MBD5: variants seen among roughly 807,000 people sequenced by gnomAD.
MBD5 encodes methyl-CpG binding domain protein 5.
In MBD5, 13 loss-of-function variants were observed where a neutral mutation model predicts 117.3. That is an observed-to-expected ratio of 0.11 (90% CI 0.07 to 0.18). MBD5 has a LOEUF of 0.18. Among genes scored for constraint, MBD5 ranks in the 10% least tolerant of loss-of-function variants. The pLI is 1.00. For missense variants in MBD5, 1,879 were observed against 2,093.8 expected (o/e 0.90, Z 2.00); for synonymous variants, 727 against 766.4 (o/e 0.95, Z 0.85).
At chr2:148,197,603 C>G (rs899449735) in intron 2 of MBD5, among the ~76,000 whole-genome samples, 1 of 151,912 alleles carries the variant, frequency 6.6e-6, no homozygotes, top group Non-Finnish European at 1.5e-5. Context: ...CTTGGGAAAC[C>G]CTTCTCCATA....
At chr2:148,267,634 A>T (rs1435537514) in intron 3 of MBD5, among the ~76,000 whole-genome samples, 1 of 152,130 alleles carries the variant, frequency 6.6e-6, no homozygotes, top group Non-Finnish European at 1.5e-5. Context: ...GTTCATATGA[A>T]TGGATATTTT....
Position 148,516,818 on chromosome 2 carries a change from C to A in MBD5, c.*3877C>A, listed in dbSNP as rs1005743263. On this transcript the variant is annotated 3_prime_UTR_variant, in exon 14 of 14. Transcript: ENST00000642680. ...GTGTACCTCAGTGACCTTTTATAAA[C>A]CGGAAAAATGGTTGATTTAATAATT... is the stretch of plus-strand genomic sequence containing the variant. The A allele has an allele frequency of 6.6e-6, 1 of 152,100 alleles. No individual in the cohort carries two copies. The highest frequency in any genetic ancestry group is 1.5e-5 in the Non-Finnish European group (1 of 68,020). The allele number at this position is 152,100 out of a possible 1,614,324, so 9.4% of individuals were successfully genotyped here. A position where few individuals can be genotyped will look rare whatever the true frequency, so the allele number is the denominator to read the frequency against.
At chr2:148,302,443 A>G (rs1701794331) in intron 3 of MBD5, among the ~76,000 whole-genome samples, 1 of 152,200 alleles carries the variant, frequency 6.6e-6, no homozygotes, top group Non-Finnish European at 1.5e-5. Flanking sequence ...GGCTAGAGCA[A>G]TATTTTCTCC....
chr2:148,379,987 A>G (rs965914666), intron 4 of MBD5, among the ~76,000 whole-genome samples: 9 of 152,214 alleles, frequency 5.9e-5, no homozygotes, highest in Non-Finnish European at 1.3e-4. Context: ...AAGTCTAAGA[A>G]CATTAGCAAT....
At chr2:148,254,775 A>G (rs899273182) in intron 3 of MBD5, among the ~76,000 whole-genome samples, 2 of 152,138 alleles carry the variant, frequency 1.3e-5, no homozygotes, top group Non-Finnish European at 2.9e-5. Context: ...ATGGGTATCC[A>G]TCCCACACAG....
chr2:148,259,268 A>G (rs1700674773), intron 3 of MBD5, among the ~76,000 whole-genome samples: 1 of 152,208 alleles, frequency 6.6e-6, no homozygotes, highest in East Asian at 1.9e-4. Context: ...TCCCTCAGAG[A>G]CTGGAAGTGT....
In MBD5 at chr2:148,513,761, AT is replaced by A. The variant is rs1682282320; in HGVS notation, c.*821del. On this transcript the variant is annotated 3_prime_UTR_variant, in exon 14 of 14. Coordinates refer to ENST00000642680, the MANE Select transcript of MBD5 (RefSeq NM_001378120.1). The stretch of plus-strand genomic sequence containing the variant: ...AATAGAATAGGTTTTATAAAAAAAA[AT>A]CTTAGATGGAATATTTTACTCAGCC... The A allele has an allele frequency of 6.6e-6, 1 of 152,206 alleles. No individual in the cohort carries two copies. Among genetic ancestry groups the A allele is most frequent in the African/African-American group, 2.4e-5 (1 of 41,446 alleles). The allele number at this position is 152,206 out of a possible 1,614,324, so 9.4% of individuals were successfully genotyped here.
chr2:148,352,491 A>G (rs1349604775), intron 4 of MBD5, among the ~76,000 whole-genome samples: 1 of 151,924 alleles, frequency 6.6e-6, no homozygotes, highest in Non-Finnish European at 1.5e-5. Context: ...AGGGTCCCTC[A>G]TGTTGCTCTT....
At position 148,516,585 on chromosome 2, in the gene MBD5, A is replaced by G. The variant is rs1258878276; in HGVS notation, c.*3644A>G. 6 of 152,242 alleles carry G rather than the reference A, an allele frequency of 3.9e-5. No homozygotes were observed. The highest frequency in any genetic ancestry group is 8.8e-5 in the Non-Finnish European group (6 of 68,038). The allele number at this position is 152,242 out of a possible 1,614,324, so 9.4% of individuals were successfully genotyped here. On this transcript the variant is annotated 3_prime_UTR_variant, in exon 14 of 14. Coordinates refer to ENST00000642680, the MANE Select transcript of MBD5 (RefSeq NM_001378120.1). ...TAGCCAAAGAGATAAGAACATTAGT[A>G]ATTCATATGTGTAAACAACCCAGAA...
chr2:148,410,214 C>T (rs1028485149), intron 4 of MBD5, among the ~76,000 whole-genome samples: 1 of 152,156 alleles, frequency 6.6e-6, no homozygotes, highest in African/African-American at 2.4e-5. Flanking sequence ...TTAGCAATCA[C>T]TTTTAAATGT....
At chr2:148,137,775 T>C (rs941877115) in intron 1 of MBD5, among the ~76,000 whole-genome samples, 1 of 152,242 alleles carries the variant, frequency 6.6e-6, no homozygotes, top group East Asian at 1.9e-4. Context: ...ACTGTACTTT[T>C]TCTATGTTTA....
At chr2:148,054,757 AGAAACACTACCCTTGGG>A (rs1558905539) in intron 1 of MBD5, 1 of 152,246 alleles carries the variant, frequency 6.6e-6, no homozygotes, top group Non-Finnish European at 1.5e-5. Context: ...GAATACTTTG[AGAAACACTACCCTTGGG>A]TATGTTTAGG....
intron 3 of MBD5, chr2:148,264,080 A>C (rs1447308255): frequency 9.9e-5 from 15 of 152,228 alleles, no homozygotes. Context: ...CTCAAAGTGC[A>C]CATGTAGATG....
rs1030649418 is a variant in MBD5 at position 148,182,426 on chromosome 2, G to T, written c.-831+3633G>T. On this transcript the variant is annotated intron_variant, in intron 2 of 13. Transcript: ENST00000642680. The stretch of plus-strand genomic sequence containing the variant: ...ATGTATTATTCTTTAATACACTGTT[G>T]TGTTTGGTTAGCAAATATCTGACTG... Among the ~76,000 whole-genome samples the T allele has an allele frequency of 2.0e-5, 3 of 152,178 alleles. No individual in the cohort carries two copies. The South Asian group carries it at 6.2e-4, about 32-fold the overall frequency.
chr2:148,125,637 T>C (rs1044679201), intron 1 of MBD5, among the ~76,000 whole-genome samples: 6 of 152,204 alleles, frequency 3.9e-5, no homozygotes, highest in African/African-American at 9.6e-5. Flanking sequence ...TGGAAGTCTA[T>C]CTACAACCTC....
At chr2:148,166,276 T>C (rs1459412812) in intron 1 of MBD5, among the ~76,000 whole-genome samples, 3 of 152,214 alleles carry the variant, frequency 2.0e-5, no homozygotes, top group Non-Finnish European at 2.9e-5. Flanking sequence ...ATGAGGGTTT[T>C]ATTTTCATGT....
intron 4 of MBD5, among the ~76,000 whole-genome samples, chr2:148,377,104 A>T (rs899474198): frequency 6.6e-6 from 1 of 151,520 alleles, no homozygotes; most frequent in Non-Finnish European, 1.5e-5. Context: ...AGTAGTATTA[A>T]CTCACGCAAT....
intron 3 of MBD5, among the ~76,000 whole-genome samples, chr2:148,331,933 T>C (rs1418865578): frequency 6.6e-6 from 1 of 152,154 alleles, no homozygotes. Flanking sequence ...ATTTTATAAT[T>C]ATCAAACAAT....
At chr2:148,334,916 C>A (rs1182219162) in intron 3 of MBD5, among the ~76,000 whole-genome samples, 1 of 151,956 alleles carries the variant, frequency 6.6e-6, no homozygotes, top group Non-Finnish European at 1.5e-5. Flanking sequence ...GTTTATGTAT[C>A]CTATATTTTA....
Sources: gnomAD v4.1 joint callset for allele counts (sites outside exome capture counted in the v4.1 genomes callset) on GRCh38, gnomAD v4.1.1 for gene constraint, MANE v1.5 for transcripts, NCBI Gene and HGNC (gene_info 2026-07-23, HGNC 2026-07-21) for gene names.